Variants in STK32B observed in about 807,000 individuals in gnomAD.
STK32B encodes the protein serine/threonine kinase 32B.
In STK32B, 43 loss-of-function variants were observed where a neutral mutation model predicts 52.6. The observed-to-expected ratio is 0.82, with a 90% CI of 0.64 to 1.05. The LOEUF (loss-of-function observed/expected upper bound fraction) is 1.05, where lower values mean the gene tolerates loss of function less well. Ranked by LOEUF, STK32B falls within the 50% of genes least tolerant of loss-of-function variation. The pLI is 0.00. For missense variants in STK32B, 621 were observed against 534.6 expected (o/e 1.16, Z -1.59); for synonymous variants, 238 against 204.3 (o/e 1.17, Z -1.41).
intron 3 of STK32B, among the ~76,000 whole-genome samples, chr4:5,190,153 C>T (rs796379614): frequency 5.9e-5 from 9 of 152,240 alleles, no homozygotes; most frequent in African/African-American, 2.2e-4. Context: ...CTAGCCTGTA[C>T]ATTGACTAAA....
chr4:5,494,290 T>G (rs1720011825), intron 11 of STK32B, among the ~76,000 whole-genome samples: 1 of 152,226 alleles, frequency 6.6e-6, no homozygotes. Flanking sequence ...ATATTTAGGA[T>G]AGTTAGCTCT....
At chr4:5,286,840 A>G (rs1322645413) in intron 3 of STK32B, among the ~76,000 whole-genome samples, 2 of 133,742 alleles carry the variant, frequency 1.5e-5, no homozygotes, top group Non-Finnish European at 3.0e-5. Context: ...CTCTTTCACC[A>G]AGGCTGGAGT....
intron 4 of STK32B, among the ~76,000 whole-genome samples, chr4:5,377,879 A>G (rs116056132): frequency 0.032 from 4,815 of 152,276 alleles, 248 homozygotes; most frequent in African/African-American, 0.11. Context: ...TTTATGAATT[A>G]CCCAGTCTCT....
intron 11 of STK32B, among the ~76,000 whole-genome samples, chr4:5,483,894 G>A (rs367814710): frequency 2.0e-4 from 30 of 152,210 alleles, no homozygotes; most frequent in Middle Eastern, 3.4e-3. Flanking sequence ...GTAGCTGAGC[G>A]GTTTTGAGTG....
At chr4:5,498,609 G>T (rs1460276617) in intron 11 of STK32B, among the ~76,000 whole-genome samples, 1 of 152,114 alleles carries the variant, frequency 6.6e-6, no homozygotes, top group Admixed American at 6.5e-5. Flanking sequence ...GTGAGCTTGG[G>T]AAATATAAAT....
intron 3 of STK32B, among the ~76,000 whole-genome samples, chr4:5,298,708 A>G (rs1009133666): frequency 6.6e-6 from 1 of 151,868 alleles, no homozygotes; most frequent in Non-Finnish European, 1.5e-5. Context: ...AAGCCATTGG[A>G]TCTTAGCTTG....
chr4:5,358,336 T>G (rs1465822236), intron 4 of STK32B, among the ~76,000 whole-genome samples: 2 of 152,200 alleles, frequency 1.3e-5, no homozygotes, highest in African/African-American at 4.8e-5. Context: ...AGAAACTGTT[T>G]TACAGAAGAT....
intron 3 of STK32B, among the ~76,000 whole-genome samples, chr4:5,199,404 G>C (rs1239069295): frequency 6.6e-6 from 1 of 151,890 alleles, no homozygotes; most frequent in Admixed American, 6.6e-5. Flanking sequence ...ATGAATTCCT[G>C]AATATTTGAA....
At chr4:5,271,742 A>C (rs1727447285) in intron 3 of STK32B, among the ~76,000 whole-genome samples, 1 of 144,910 alleles carries the variant, frequency 6.9e-6, no homozygotes, top group Admixed American at 6.7e-5. Flanking sequence ...TTGGATTCCT[A>C]AGTATTTTAT....
intron 11 of STK32B, among the ~76,000 whole-genome samples, chr4:5,487,297 T>C (rs965437367): frequency 2.6e-5 from 4 of 152,164 alleles, no homozygotes; most frequent in African/African-American, 7.2e-5. Context: ...AATTAGTCCA[T>C]GGGCATGAGC....
chr4:5,244,434 A>AT (rs1387417531), intron 3 of STK32B, among the ~76,000 whole-genome samples: 9 of 152,128 alleles, frequency 5.9e-5, no homozygotes, highest in African/African-American at 2.2e-4. Context: ...GCCCATTGTC[A>AT]TTTTTTATTG....
At chr4:5,070,461 G>T (rs1711690514) in intron 1 of STK32B, among the ~76,000 whole-genome samples, 1 of 152,164 alleles carries the variant, frequency 6.6e-6, no homozygotes, top group African/African-American at 2.4e-5. Flanking sequence ...CATTGTAGGG[G>T]CTTGAGGGGA....
intron 4 of STK32B, among the ~76,000 whole-genome samples, chr4:5,344,064 A>G (rs78421987): frequency 0.026 from 3,911 of 152,268 alleles, 148 homozygotes; most frequent in African/African-American, 0.087. Context: ...GATTGCATCC[A>G]TCAGTTTGGG....
At chr4:5,059,244 T>C (rs1742127335) in intron 1 of STK32B, among the ~76,000 whole-genome samples, 1 of 151,962 alleles carries the variant, frequency 6.6e-6, no homozygotes, top group Non-Finnish European at 1.5e-5. Context: ...ATTACCACAG[T>C]ATAACCACGC....
chr4:5,210,246 C>A (rs1722829487), intron 3 of STK32B, among the ~76,000 whole-genome samples: 1 of 152,032 alleles, frequency 6.6e-6, no homozygotes, highest in Non-Finnish European at 1.5e-5. Flanking sequence ...TCTTCTTCTT[C>A]TTCTCCTCCT....
Position 5,380,344 on chromosome 4 carries a change from C to T in STK32B, c.435-17863C>T, listed in dbSNP as rs1463598012. Among the ~76,000 whole-genome samples, 3 of 152,112 alleles carry T rather than the reference C, an allele frequency of 2.0e-5. No individual in the cohort carries two copies. The highest frequency in any genetic ancestry group is 2.0e-4 in the Admixed American group (3 of 15,278). On this transcript the variant is annotated intron_variant, in intron 4 of 11. Coordinates refer to ENST00000282908, the MANE Select transcript of STK32B (RefSeq NM_018401.3). The surrounding 1 kb of genome is among the most constrained non-coding windows in gnomAD (Gnocchi z 4.3). Reference sequence around the variant, plus strand: ...CCTCCCGAATCTCTCCAACGCTACCCAAGAGAATGCAAAAGGCCAGGCTTC... The same window carrying T: ...CCTCCCGAATCTCTCCAACGCTACCTAAGAGAATGCAAAAGGCCAGGCTTC...
chr4:5,313,844 C>G lies in STK32B; in HGVS notation c.261-17376C>G, dbSNP rs1205592462. ...TTTAGAAATCCCATTTACAGTCATT[C>G]CATAGATAATAAACCTAGATATAAA... On this transcript the variant is annotated intron_variant, in intron 3 of 11. Coordinates refer to ENST00000282908, the MANE Select transcript of STK32B (RefSeq NM_018401.3). Among the ~76,000 whole-genome samples the G allele has an allele frequency of 2.0e-5, 3 of 151,994 alleles. No homozygotes were observed. The South Asian group carries it at 6.2e-4, about 31-fold the overall frequency.
chr4:5,279,109 C>T (rs929735274), intron 3 of STK32B, among the ~76,000 whole-genome samples: 4 of 152,150 alleles, frequency 2.6e-5, no homozygotes, highest in Non-Finnish European at 4.4e-5. Flanking sequence ...CATGCCTTGC[C>T]GACAGTCCCC....
the STK32B span, among the ~76,000 whole-genome samples, chr4:5,039,915 T>C: frequency 6.6e-6 from 1 of 152,194 alleles, no homozygotes; most frequent in East Asian, 1.9e-4. Context: ...CTATCCTCTC[T>C]TAACAGTCCA....
Sources: allele counts gnomAD v4.1 joint callset (sites outside exome capture counted in the v4.1 genomes callset), GRCh38; gene constraint gnomAD v4.1.1; non-coding constraint Gnocchi (gnomAD v3.1); transcripts MANE v1.5; gene names NCBI Gene and HGNC (gene_info 2026-07-23, HGNC 2026-07-21).